Variants in CCDC122 observed in about 807,000 individuals in gnomAD.
The protein encoded by CCDC122 is coiled-coil domain containing 122, also known as coiled-coil domain-containing protein 122.
CCDC122 carries 38 observed loss-of-function variants against 37.0 expected under a neutral mutation model. The observed-to-expected ratio is 1.03, with a 90% CI of 0.79 to 1.35. CCDC122 has a LOEUF of 1.35. Among genes scored for constraint, CCDC122 ranks in the 40% most tolerant of loss-of-function variants. CCDC122 has a pLI of 0.00. For missense variants in CCDC122, 305 were observed against 310.0 expected (o/e 0.98, Z 0.12); for synonymous variants, 83 against 95.6 (o/e 0.87, Z 0.77).
chr13:43,869,360 T>C lies in CCDC122; in HGVS notation c.17A>G (p.Glu6Gly). Residue 6 changes from glutamate to glycine, a missense_variant, in exon 3 of 7, where the codon GAA becomes GGA. Glu to Gly is a moderately conservative substitution (Grantham distance 98, BLOSUM62 -2). Transcript: ENST00000444614. MSDNK[E>G]RKSQGFPKED... ...TTTAGGAAATCCTTGACTCTTCCTT[T>C]CTTTGTTGTCTGACATTTTCTGTGT... 3.7e-6 allele frequency: 6 copies of C among 1,608,534 alleles called. No homozygotes were observed. The highest frequency in any genetic ancestry group is 5.1e-6 in the Non-Finnish European group (6 of 1,176,410).
downstream of CCDC122, among the ~76,000 whole-genome samples, chr13:43,834,729 T>C (rs1270374447): frequency 6.6e-6 from 1 of 152,168 alleles, no homozygotes; most frequent in African/African-American, 2.4e-5. Context: ...TCACTGGCCA[T>C]CAGAGAAATG....
In CCDC122 at chr13:43,848,240, C is replaced by G. The variant is rs929645620; in HGVS notation, c.672+10541G>C. 3.9e-5 allele frequency among the ~76,000 whole-genome samples: 6 copies of G among 152,136 alleles called. No homozygotes were observed. In the South Asian group the frequency reaches 1.2e-3, roughly 32 times the overall value. On this transcript the variant is annotated intron_variant, in intron 6 of 6. Coordinates refer to ENST00000444614, the MANE Select transcript of CCDC122 (RefSeq NM_144974.5). ...CAGCTCTTAAAGTGTACACAATTTT[C>G]CCATATTCTTTTACATTTTAAACTC...
chr13:43,874,492 A>C (rs552130515), intron 2 of CCDC122, among the ~76,000 whole-genome samples: 1 of 152,314 alleles, frequency 6.6e-6, no homozygotes, highest in South Asian at 2.1e-4. Context: ...AGAATAAAGA[A>C]AATTGGATTT....
chr13:43,873,048 A>T (rs1264153161), intron 2 of CCDC122, among the ~76,000 whole-genome samples: 1 of 152,116 alleles, frequency 6.6e-6, no homozygotes, highest in Non-Finnish European at 1.5e-5. Context: ...CATTTAACAC[A>T]TTTGATAATT....
intron 6 of CCDC122, chr13:43,855,619 A>T (rs891000905): frequency 6.6e-6 from 1 of 152,198 alleles, no homozygotes; most frequent in African/African-American, 2.4e-5. Context: ...ATAAATCATT[A>T]GGGAAATGTA....
At chr13:43,847,936 A>G (rs1397514535) in intron 6 of CCDC122, among the ~76,000 whole-genome samples, 2 of 152,030 alleles carry the variant, frequency 1.3e-5, no homozygotes, top group Non-Finnish European at 2.9e-5. Context: ...CACCATGCAC[A>G]GCTAATTTTT....
At chr13:43,852,607 C>T (rs916809924) in intron 6 of CCDC122, among the ~76,000 whole-genome samples, 1 of 151,892 alleles carries the variant, frequency 6.6e-6, no homozygotes, top group Admixed American at 6.6e-5. Flanking sequence ...GCTAGAGAGG[C>T]CAACATTCAA....
Position 43,837,413 on chromosome 13 carries a change from T to C in CCDC122, c.689A>G (p.Tyr230Cys), listed in dbSNP as rs1206292787. The C allele has an allele frequency of 6.2e-7, 1 of 1,613,982 alleles. No individual in the cohort carries two copies. The highest frequency in any genetic ancestry group is 1.7e-5 in the Admixed American group (1 of 60,000). Residue 230 changes from tyrosine to cysteine, a missense_variant, in exon 7 of 7, where the codon TAT becomes TGT. Transcript: ENST00000444614. Reference protein sequence around the residue: ...RKEIEVQHKRYDAILKRLHCQ... With the variant: ...RKEIEVQHKRCDAILKRLHCQ... Reference sequence around the variant, plus strand: ...ATGCAAACGCTTAAGAATTGCATCATACCTCTTATGTTGTACCTATCAAAA... The same window carrying C: ...ATGCAAACGCTTAAGAATTGCATCACACCTCTTATGTTGTACCTATCAAAA...
chr13:43,857,547 G>C (rs992110183), intron 6 of CCDC122, among the ~76,000 whole-genome samples: 4 of 151,802 alleles, frequency 2.6e-5, no homozygotes, highest in African/African-American at 9.7e-5. Context: ...TTTCCATAGA[G>C]GTAATCTATT....
rs564922902 is a variant in CCDC122, at chr13:43,842,290, T to C, written c.673-4861A>G. On this transcript the variant is annotated intron_variant, in intron 6 of 6. Transcript: ENST00000444614. ...GATATCCAGTTGTTTCAGTACCATT[T>C]GTTGATAAGACTTTCCTTTTTTTCA... 9.2e-4 allele frequency among the ~76,000 whole-genome samples: 140 copies of C among 152,290 alleles called. 1 individual carries two copies. The highest frequency in any genetic ancestry group is 3.1e-3 in the African/African-American group (129 of 41,558).
At chr13:43,848,697 G>T (rs1010704236) in intron 6 of CCDC122, 2 of 345,370 alleles carry the variant, frequency 5.8e-6, no homozygotes, top group African/African-American at 4.4e-5. Context: ...TACTTGACAG[G>T]AAAACACTGA....
At chr13:43,872,566 G>GA (rs988209119) in intron 2 of CCDC122, among the ~76,000 whole-genome samples, 2 of 151,810 alleles carry the variant, frequency 1.3e-5, no homozygotes, top group Non-Finnish European at 2.9e-5. Flanking sequence ...TGAGATAGAA[G>GA]AAAAAAATCA....
At chr13:43,823,693 G>T (rs188385648), downstream of CCDC122, among the ~76,000 whole-genome samples, 4 of 152,356 alleles carry the variant, frequency 2.6e-5, no homozygotes, top group Admixed American at 2.6e-4. Context: ...TGGGCGCTAG[G>T]TGAGCCCAGC....
chr13:43,847,522 C>A (rs948683303), intron 6 of CCDC122, among the ~76,000 whole-genome samples: 5 of 152,010 alleles, frequency 3.3e-5, no homozygotes, highest in Middle Eastern at 3.2e-3. Flanking sequence ...GCTATATAGC[C>A]TTGTGCAAGT....
intron 3 of CCDC122, among the ~76,000 whole-genome samples, chr13:43,828,594 ACACAC>A (rs1010450421): frequency 7.5e-6 from 1 of 133,490 alleles, no homozygotes; most frequent in Non-Finnish European, 1.6e-5. Context: ...ACACACACAC[ACACAC>A]GTGTCTTTCT....
chr13:43,848,663 T>C (rs1953625744), intron 6 of CCDC122: 1 of 209,414 alleles, frequency 4.8e-6, no homozygotes. Context: ...CATTCAGATA[T>C]GGCCTAAAAA....
At chr13:43,838,732 C>A (rs1319131631) in intron 6 of CCDC122, among the ~76,000 whole-genome samples, 1 of 152,118 alleles carries the variant, frequency 6.6e-6, no homozygotes, top group Non-Finnish European at 1.5e-5. Context: ...AGCTGGCTGG[C>A]TTTCTGAGGG....
chr13:43,850,650 A>C (rs1241840310), intron 6 of CCDC122, among the ~76,000 whole-genome samples: 1 of 152,204 alleles, frequency 6.6e-6, no homozygotes, highest in Non-Finnish European at 1.5e-5. Flanking sequence ...TAGATTGAAA[A>C]TAGAAATAAA....
chr13:43,843,955 G>A (rs575677555), intron 6 of CCDC122, among the ~76,000 whole-genome samples: 1 of 151,622 alleles, frequency 6.6e-6, no homozygotes, highest in East Asian at 1.9e-4. Context: ...TTCTTGATCA[G>A]TATTGCTATG....
Sources: allele counts gnomAD v4.1 joint callset (sites outside exome capture counted in the v4.1 genomes callset), GRCh38; gene constraint gnomAD v4.1.1; transcripts MANE v1.5; gene names NCBI Gene and HGNC (gene_info 2026-07-23, HGNC 2026-07-21).